The following TENM2 variants were observed in gnomAD, a reference collection of about 807,000 sequenced individuals.
The protein encoded by TENM2 is teneurin-2.
Under a neutral mutation model 245.2 loss-of-function variants are expected in TENM2, and 52 were observed. The ratio of observed to expected loss-of-function variants is 0.21; its 90% CI spans 0.17 to 0.27. TENM2 has a LOEUF of 0.27. Ranked by LOEUF, TENM2 falls within the 10% of genes least tolerant of loss-of-function variation. The pLI, the probability that TENM2 is intolerant of heterozygous loss-of-function variation, is 1.00. For missense variants in TENM2, 3,046 were observed against 3,666.8 expected, an observed-to-expected ratio of 0.83 and a Z score of 4.37; for synonymous variants, 1,363 against 1,438.9, an observed-to-expected ratio of 0.95 and a Z score of 1.19.
the TENM2 span, among the ~76,000 whole-genome samples, chr5:167,163,571 T>A: frequency 1.3e-5 from 2 of 152,180 alleles, no homozygotes; most frequent in African/African-American, 2.4e-5. Flanking sequence ...TTCTGTATCC[T>A]ATCCTTTACA....
chr5:167,196,824 G>A, the TENM2 span, among the ~76,000 whole-genome samples: 1 of 151,916 alleles, frequency 6.6e-6, no homozygotes, highest in Admixed American at 6.6e-5. Context: ...GATGCGTGTA[G>A]GTTACATGCA....
the TENM2 span, among the ~76,000 whole-genome samples, chr5:167,106,783 G>C: frequency 6.6e-6 from 1 of 151,866 alleles, no homozygotes; most frequent in Non-Finnish European, 1.5e-5. Flanking sequence ...TGAAGAGGGT[G>C]GGGGAGGGAA....
chr5:167,989,937 G>T (rs886725752), intron 4 of TENM2, among the ~76,000 whole-genome samples: 1 of 152,158 alleles, frequency 6.6e-6, no homozygotes, highest in Non-Finnish European at 1.5e-5. Context: ...AAGGAGTCAT[G>T]AGCTAGATAG....
chr5:168,238,133 A>G (rs1462619487), intron 25 of TENM2, among the ~76,000 whole-genome samples: 2 of 137,290 alleles, frequency 1.5e-5, no homozygotes, highest in Non-Finnish European at 3.1e-5. Context: ...AGATAGAGTG[A>G]GACTCCATCT....
At chr5:167,445,698 C>G (rs935747367) in intron 2 of TENM2, among the ~76,000 whole-genome samples, 1 of 152,130 alleles carries the variant, frequency 6.6e-6, no homozygotes, top group Non-Finnish European at 1.5e-5. Context: ...TGAACCAGGT[C>G]TTAAGAGTCC....
the TENM2 span, among the ~76,000 whole-genome samples, chr5:167,066,063 G>A: frequency 2.0e-5 from 3 of 152,126 alleles, no homozygotes; most frequent in African/African-American, 7.2e-5. Context: ...TCCCTGGGTG[G>A]TGTGAGTGCT....
At chr5:168,061,864 C>A (rs928981622) in intron 6 of TENM2, among the ~76,000 whole-genome samples, 196 bp from the exon 9 acceptor site, 2 of 152,132 alleles carry the variant, frequency 1.3e-5, no homozygotes, top group Middle Eastern at 3.4e-3. Context: ...ATTTCGGATG[C>A]CCTGGGGTGT....
intron 1 of TENM2, among the ~76,000 whole-genome samples, chr5:167,350,661 T>TATGGGATACATATATGGATATATAC (rs1334172445): frequency 1.4e-5 from 2 of 144,558 alleles, no homozygotes; most frequent in Non-Finnish European, 3.0e-5. Context: ...TGGATATATA[T>TATGGGATACATATATGGATATATAC]ATGGGATACA....
At chr5:167,094,337 C>T in the TENM2 span, among the ~76,000 whole-genome samples, 3 of 152,090 alleles carry the variant, frequency 2.0e-5, no homozygotes, top group Non-Finnish European at 4.4e-5. Flanking sequence ...TCCTTTCTTC[C>T]ACCCCTATTC....
intron 2 of TENM2, among the ~76,000 whole-genome samples, chr5:167,450,457 C>T (rs1380814608): frequency 6.6e-6 from 1 of 152,114 alleles, no homozygotes; most frequent in Non-Finnish European, 1.5e-5. Context: ...TGTCTAATTT[C>T]TCGTTATTTC....
chr5:167,108,830 A>G, the TENM2 span, among the ~76,000 whole-genome samples: 2 of 152,186 alleles, frequency 1.3e-5, no homozygotes, highest in African/African-American at 2.4e-5. Context: ...ACTTTTTTTC[A>G]GTGAAGGCCT....
intron 1 of TENM2, among the ~76,000 whole-genome samples, chr5:167,292,388 T>C (rs1250951479): frequency 6.6e-6 from 1 of 152,226 alleles, no homozygotes; most frequent in Non-Finnish European, 1.5e-5. Context: ...TCCAAGCCTC[T>C]TTTTTCTTGA....
At chr5:167,592,253 T>G (rs1468298722) in intron 2 of TENM2, among the ~76,000 whole-genome samples, 1 of 152,186 alleles carries the variant, frequency 6.6e-6, no homozygotes, top group African/African-American at 2.4e-5. Flanking sequence ...AAGTTGTAAG[T>G]ACCTTTGTGT....
At chr5:167,593,457 T>C (rs914628851) in intron 2 of TENM2, among the ~76,000 whole-genome samples, 10 of 152,190 alleles carry the variant, frequency 6.6e-5, no homozygotes, top group Non-Finnish European at 1.3e-4. Flanking sequence ...CCTTGTTCCA[T>C]GTAAAATAAA....
chr5:167,459,602 T>C (rs1415824506), intron 2 of TENM2, among the ~76,000 whole-genome samples: 1 of 152,230 alleles, frequency 6.6e-6, no homozygotes. Context: ...CTATTTTCCA[T>C]ACTGATCATA....
At chr5:167,824,909 GT>G (rs1433881001) in intron 2 of TENM2, among the ~76,000 whole-genome samples, 2 of 152,176 alleles carry the variant, frequency 1.3e-5, no homozygotes, top group Non-Finnish European at 2.9e-5. Context: ...GGGGCTACCA[GT>G]TTGCAACCTC....
intron 2 of TENM2, among the ~76,000 whole-genome samples, chr5:167,648,816 A>G (rs1780145107): frequency 6.6e-6 from 1 of 152,178 alleles, no homozygotes; most frequent in Non-Finnish European, 1.5e-5. Context: ...ACTAGGAAAC[A>G]GTTTGAAGGC....
chr5:167,095,427 G>A, the TENM2 span, among the ~76,000 whole-genome samples: 58 of 152,250 alleles, frequency 3.8e-4, 1 homozygote, highest in African/African-American at 1.3e-3. Flanking sequence ...CAAGTGAAGA[G>A]GGACTTGAGG....
chr5:167,616,575 C>T (rs1051389212), intron 2 of TENM2, among the ~76,000 whole-genome samples: 1 of 151,896 alleles, frequency 6.6e-6, no homozygotes, highest in East Asian at 1.9e-4. Flanking sequence ...TGTATGCATT[C>T]ATTTAAAAGG....
Sources: allele counts gnomAD v4.1 joint callset (sites outside exome capture counted in the v4.1 genomes callset), GRCh38; gene constraint gnomAD v4.1.1; transcripts MANE v1.5; gene names NCBI Gene and HGNC (gene_info 2026-07-23, HGNC 2026-07-21).